The following ARL5A variants were observed in gnomAD, a reference collection of about 807,000 sequenced individuals.
ARL5A encodes ADP-ribosylation factor-like protein 5A.
ARL5A carries 18 observed loss-of-function variants against 25.9 expected under a neutral mutation model. The ratio of observed to expected loss-of-function variants is 0.69; its 90% CI spans 0.48 to 1.03. ARL5A has a LOEUF of 1.03. Ranked by LOEUF, ARL5A falls within the 50% of genes least tolerant of loss-of-function variation. ARL5A has a pLI of 0.00. For synonymous variants in ARL5A, 61 were observed against 67.5 expected, an observed-to-expected ratio of 0.90 and a Z score of 0.47; for missense variants, 170 against 211.9, an observed-to-expected ratio of 0.80 and a Z score of 1.23.
Position 151,801,212 on chromosome 2 carries a change from C to T in ARL5A, c.*2064G>A, listed in dbSNP as rs1368639223. On this transcript the variant is annotated 3_prime_UTR_variant, in exon 6 of 6. Coordinates refer to ENST00000295087, the MANE Select transcript of ARL5A (RefSeq NM_012097.4). The stretch of plus-strand genomic sequence containing the variant: ...ATGATGTCATGTCAATAATCCACTA[C>T]ACTAAACCAACTGTAACAAGGTAGT... The T allele has an allele frequency of 6.6e-6, 1 of 152,510 alleles. No homozygotes were observed. The highest frequency in any genetic ancestry group is 1.5e-5 in the Non-Finnish European group (1 of 67,992). 9.4% of individuals were successfully genotyped at this position (152,510 alleles called of 1,614,324 possible).
chr2:151,806,841 G>A lies in ARL5A; in HGVS notation c.471C>T (p.Cys157=). The A allele has an allele frequency of 6.2e-7, 1 of 1,610,578 alleles. No homozygotes were observed. Among genetic ancestry groups the A allele is most frequent in the Non-Finnish European group, 8.5e-7 (1 of 1,179,084 alleles). Residue 157 remains cysteine, a synonymous_variant, in exon 5 of 6, where the codon TGC becomes TGT. Transcript: ENST00000295087. ...CTTACCCCTCGCCAGTTAGAGCACAGCATGCCTGGATATGCCACTGGTGAT... is the reference window on the plus strand; with the variant it reads ...CTTACCCCTCGCCAGTTAGAGCACAACATGCCTGGATATGCCACTGGTGAT... ...IKDHQWHIQA[C]CALTGEGLCQ...
intron 1 of ARL5A, among the ~76,000 whole-genome samples, chr2:151,824,360 TCTATCACAAATTATCAA>T (rs1559824162): frequency 2.0e-5 from 3 of 152,184 alleles, no homozygotes. Context: ...CAATTATCTA[TCTATCACAAATTATCAA>T]CTATCACAAA....
At chr2:151,821,131 T>A (rs988366569) in intron 1 of ARL5A, among the ~76,000 whole-genome samples, 5 of 152,190 alleles carry the variant, frequency 3.3e-5, no homozygotes, top group Non-Finnish European at 7.3e-5. Flanking sequence ...GAACATGTCA[T>A]AAACTTTCCA....
rs979973261 is a variant in ARL5A, at chr2:151,800,135, A to G, written c.*3141T>C. On this transcript the variant is annotated 3_prime_UTR_variant, in exon 6 of 6. Coordinates refer to ENST00000295087, the MANE Select transcript of ARL5A (RefSeq NM_012097.4). Reference sequence around the variant, plus strand: ...ACAAAGCAGAGCCTATTACACGTACATTCCCAAAAATGCCTCCAGAGAAAA... The same window carrying G: ...ACAAAGCAGAGCCTATTACACGTACGTTCCCAAAAATGCCTCCAGAGAAAA... The G allele has an allele frequency of 2.0e-5, 3 of 152,236 alleles. No individual in the cohort carries two copies. The highest frequency in any genetic ancestry group is 2.9e-5 in the Non-Finnish European group (2 of 68,048). The allele number at this position is 152,236 out of a possible 1,614,324, so 9.4% of individuals were successfully genotyped here.
intron 4 of ARL5A, chr2:151,810,323 G>A (rs2099830678): frequency 5.6e-6 from 1 of 177,206 alleles, no homozygotes; most frequent in African/African-American, 2.4e-5. Flanking sequence ...GTTGATTTAT[G>A]TAGTATGTAA....
chr2:151,809,047 C>CA (rs1462259640), intron 4 of ARL5A, among the ~76,000 whole-genome samples: 3 of 152,018 alleles, frequency 2.0e-5, no homozygotes, highest in Non-Finnish European at 2.9e-5. Context: ...AACTCTGTCT[C>CA]AAAAAAACAC....
At chr2:151,810,628 T>A (rs1038307932) in intron 4 of ARL5A, 1 of 425,064 alleles carries the variant, frequency 2.4e-6, no homozygotes, top group Non-Finnish European at 4.7e-6. Flanking sequence ...GCTAGTCAAG[T>A]CACATAACCT....
At position 151,803,305 on chromosome 2, in the gene ARL5A, A is replaced by G; in HGVS notation, c.511T>C (p.Trp171Arg). The G allele has an allele frequency of 6.2e-7, 1 of 1,613,104 alleles. No individual in the cohort carries two copies. Among genetic ancestry groups the G allele is most frequent in the Non-Finnish European group, 8.5e-7 (1 of 1,179,112 alleles). Residue 171 changes from tryptophan (W) to arginine (R), a missense_variant, in exon 6 of 6, where the codon TGG becomes CGG. Trp to Arg is a moderately radical substitution (Grantham distance 101). Transcript: ENST00000295087. ...TGEGLCQGLE[W>R]MMSRLKIR ...CTAATCTTAAGTCGTGACATCATCCATTCAAGTCCTTGGCACAATCTATAA... is the reference window on the plus strand; with the variant it reads ...CTAATCTTAAGTCGTGACATCATCCGTTCAAGTCCTTGGCACAATCTATAA...
intron 1 of ARL5A, chr2:151,827,787 A>G: frequency 3.1e-6 from 1 of 324,876 alleles, no homozygotes; most frequent in Non-Finnish European, 5.7e-6. Flanking sequence ...ACAACTGGTG[A>G]GCAAAGAAAG....
At chr2:151,804,160 CAT>C (rs552166199) in intron 5 of ARL5A, among the ~76,000 whole-genome samples, 29 of 152,168 alleles carry the variant, frequency 1.9e-4, no homozygotes, top group Admixed American at 7.2e-4. Flanking sequence ...AAAGTATACA[CAT>C]GTTACATAAA....
intron 1 of ARL5A, among the ~76,000 whole-genome samples, chr2:151,820,590 T>G (rs923841440): frequency 7.7e-6 from 1 of 129,052 alleles, no homozygotes; most frequent in African/African-American, 2.9e-5. Context: ...AACCTGGGAG[T>G]CAGAGGTTGC....
At chr2:151,804,569 A>C (rs1010152284) in intron 5 of ARL5A, among the ~76,000 whole-genome samples, 1 of 152,180 alleles carries the variant, frequency 6.6e-6, no homozygotes, top group Non-Finnish European at 1.5e-5. Flanking sequence ...CTGTGACTAG[A>C]TTCATTACTT....
At chr2:151,815,010 T>C (rs2099831314) in intron 2 of ARL5A, 129 bp downstream of exon 2, 7 of 711,720 alleles carry the variant, frequency 9.8e-6, no homozygotes, top group South Asian at 1.8e-5. Context: ...TCCAGGTTTA[T>C]AGCCAACCTG....
In ARL5A at chr2:151,801,294, A is replaced by C. The variant is rs1481100221; in HGVS notation, c.*1982T>G. 2.0e-5 allele frequency: 3 copies of C among 152,258 alleles called. No homozygotes were observed. The highest frequency in any genetic ancestry group is 1.3e-4 in the Admixed American group (2 of 15,280). The allele number at this position is 152,258 out of a possible 1,614,324, so 9.4% of individuals were successfully genotyped here. A position where few individuals can be genotyped will look rare whatever the true frequency, so the allele number is the denominator to read the frequency against. The stretch of plus-strand genomic sequence containing the variant: ...CTGAGCCAACACCTTGATGATGACA[A>C]GGGAATGTGCTGATATCGTGTTAAA... On this transcript the variant is annotated 3_prime_UTR_variant, in exon 6 of 6. Coordinates refer to ENST00000295087, the MANE Select transcript of ARL5A (RefSeq NM_012097.4).
rs397951014 is a variant in ARL5A, at chr2:151,828,199, C to CCT, written c.-24_-23insAG. ...CATTCTCGGGCAGCGGACCCCCCCC[C>CCT]TCCAGACACCCGGGCCGCCTGGCTT... is the stretch of plus-strand genomic sequence containing the variant. On this transcript the variant is annotated 5_prime_UTR_variant, in exon 1 of 6. Transcript: ENST00000295087. 2.5e-6 allele frequency: 4 copies of CCT among 1,601,070 alleles called. No homozygotes were observed. Among genetic ancestry groups the CCT allele is most frequent in the Non-Finnish European group, 3.4e-6 (4 of 1,172,358 alleles).
intron 2 of ARL5A, among the ~76,000 whole-genome samples, chr2:151,814,644 T>C (rs1252795144): frequency 6.6e-6 from 1 of 152,002 alleles, no homozygotes; most frequent in Non-Finnish European, 1.5e-5. Flanking sequence ...CTTGACCTCC[T>C]GAATAGGATC....
In ARL5A at chr2:151,815,208, G is replaced by C. The variant is rs757850000; in HGVS notation, c.47-9C>G. On this transcript the variant is annotated splice_polypyrimidine_tract_variant and intron_variant, in intron 1 of 5. Coordinates refer to ENST00000295087, the MANE Select transcript of ARL5A (RefSeq NM_012097.4). ...AATGATAACTTTGTGCTCTGAAATA[G>C]AGAAAACACCAGTGATTTTTTTTCA... The C allele has an allele frequency of 6.3e-7, 1 of 1,582,302 alleles. No individual in the cohort carries two copies. Among genetic ancestry groups the C allele is most frequent in the African/African-American group, 1.4e-5 (1 of 72,904 alleles).
In ARL5A at chr2:151,799,603, G is replaced by A. The variant is rs1471425604; in HGVS notation, c.*3673C>T. ...CTGAATCTACTTCCCAACATGTGAA[G>A]TTAAATTAAGAAGCATGAAAATGTT... On this transcript the variant is annotated 3_prime_UTR_variant, in exon 6 of 6. Coordinates refer to ENST00000295087, the MANE Select transcript of ARL5A (RefSeq NM_012097.4). 6.6e-6 allele frequency: 1 copy of A among 152,166 alleles called. No individual in the cohort carries two copies. The highest frequency in any genetic ancestry group is 1.5e-5 in the Non-Finnish European group (1 of 68,016). The allele number at this position is 152,166 out of a possible 1,614,324, so 9.4% of individuals were successfully genotyped here. A position where few individuals can be genotyped will look rare whatever the true frequency, so the allele number is the denominator to read the frequency against.
chr2:151,807,184 A>C (rs1455985867), intron 4 of ARL5A, among the ~76,000 whole-genome samples: 1 of 152,132 alleles, frequency 6.6e-6, no homozygotes, highest in Non-Finnish European at 1.5e-5. Flanking sequence ...TTATGGTCCT[A>C]AGTGCTGTAT....
Sources: allele counts gnomAD v4.1 joint callset (sites outside exome capture counted in the v4.1 genomes callset), GRCh38; gene constraint gnomAD v4.1.1; transcripts MANE v1.5; gene names NCBI Gene and HGNC (gene_info 2026-07-23, HGNC 2026-07-21).